Variants in PAK1 observed in about 807,000 individuals in gnomAD.
The protein encoded by PAK1 is p21 (RAC1) activated kinase 1.
Under a neutral mutation model 67.4 loss-of-function variants are expected in PAK1, and 29 were observed. The observed-to-expected ratio is 0.43, with a 90% CI of 0.32 to 0.59. The LOEUF is 0.59. PAK1 is among the 20% of genes least tolerant of loss of function. PAK1 has a pLI of 0.07. For synonymous variants in PAK1, 223 were observed against 237.4 expected, an observed-to-expected ratio of 0.94 and a Z score of 0.56; for missense variants, 337 against 670.7, an observed-to-expected ratio of 0.50 and a Z score of 5.50.
intron 2 of PAK1, among the ~76,000 whole-genome samples, chr11:77,391,241 T>G (rs1204643398): frequency 6.6e-6 from 1 of 152,224 alleles, no homozygotes; most frequent in Non-Finnish European, 1.5e-5. Flanking sequence ...TGCCTCCCAG[T>G]TTCTATTCAT....
intron 1 of PAK1, among the ~76,000 whole-genome samples, chr11:77,463,417 A>C (rs1957452563): frequency 6.6e-6 from 1 of 152,238 alleles, no homozygotes. Flanking sequence ...GTATAAAATG[A>C]AACAGTTTCA....
intron 5 of PAK1, among the ~76,000 whole-genome samples, chr11:77,366,297 T>C (rs1947570421): frequency 6.6e-6 from 1 of 152,196 alleles, no homozygotes; most frequent in Non-Finnish European, 1.5e-5. Context: ...GGTAAATATG[T>C]AGATTAACAT....
intron 14 of PAK1, chr11:77,325,183 T>G (rs1939486586): frequency 1.2e-6 from 1 of 855,122 alleles, no homozygotes; most frequent in South Asian, 2.4e-5. Context: ...AGGCCTCAGT[T>G]TCCTTCTCTG....
intron 1 of PAK1, among the ~76,000 whole-genome samples, chr11:77,467,681 A>G (rs1957661478): frequency 6.6e-6 from 1 of 152,236 alleles, no homozygotes; most frequent in African/African-American, 2.4e-5. Flanking sequence ...ACACACAATC[A>G]TAGTCATAAA....
At position 77,392,443 on chromosome 11, in the gene PAK1, G is replaced by A. The variant is rs747558098; in HGVS notation, c.78C>T (p.Ala26=). The A allele has an allele frequency of 1.2e-5, 19 of 1,613,838 alleles. No homozygotes were observed. The highest frequency in any genetic ancestry group is 2.7e-5 in the African/African-American group (2 of 74,864). ...PMRNTSTMIG[A]GSKDAGTLNH... ...TTAGGGTTCCAGCATCTTTGCTGCC[G>A]GCTCCAATCATAGTGCTGGTATTTC... The change falls in exon 2 of 15, where the codon GCC becomes GCT. Residue 26 remains alanine, a synonymous_variant. Transcript: ENST00000356341.
At chr11:77,505,228 C>G in the PAK1 span, among the ~76,000 whole-genome samples, 26 of 151,878 alleles carry the variant, frequency 1.7e-4, no homozygotes, top group South Asian at 5.0e-3. Context: ...TGCTCTGTCC[C>G]CCAGGCTGGA....
At chr11:77,380,040 T>C (rs751565760) in intron 2 of PAK1, 46 bp from the exon 3 acceptor site, 2 of 1,447,346 alleles carry the variant, frequency 1.4e-6, no homozygotes, top group Non-Finnish European at 1.9e-6. Flanking sequence ...GGAACATTAT[T>C]GTTTTTAGGC....
At chr11:77,459,817 C>CT (rs1257508380) in intron 1 of PAK1, among the ~76,000 whole-genome samples, 4 of 151,806 alleles carry the variant, frequency 2.6e-5, no homozygotes. Context: ...CTGAGCCACC[C>CT]CCGCGAGCAG....
intron 14 of PAK1, chr11:77,325,191 C>A: frequency 2.1e-6 from 2 of 945,502 alleles, no homozygotes; most frequent in Non-Finnish European, 1.5e-6. Context: ...GTTTCCTTCT[C>A]TGTCTAATAA....
intron 4 of PAK1, among the ~76,000 whole-genome samples, chr11:77,378,565 A>G (rs1167210483): frequency 6.6e-6 from 1 of 152,134 alleles, no homozygotes; most frequent in Non-Finnish European, 1.5e-5. Context: ...GAACTCTCAC[A>G]TCAATCAGCT....
intron 14 of PAK1, among the ~76,000 whole-genome samples, chr11:77,329,932 T>A (rs7925564): frequency 0.63 from 95,277 of 151,634 alleles, 30,200 homozygotes; most frequent in Non-Finnish European, 0.67. Context: ...CAACTTCAGC[T>A]AAGTCTCAGG....
At chr11:77,381,138 A>AGT (rs34083265) in intron 2 of PAK1, among the ~76,000 whole-genome samples, 8,389 of 144,382 alleles carry the variant, frequency 0.058, 232 homozygotes, top group South Asian at 0.068. Flanking sequence ...CTCACCACAG[A>AGT]GTGTGTGTGT....
rs552935083 is a variant in PAK1, at chr11:77,473,863, G to A, written c.-333C>T. 1 of 152,334 alleles carries A rather than the reference G, an allele frequency of 6.6e-6. No homozygotes were observed. The highest frequency in any genetic ancestry group is 1.5e-5 in the Non-Finnish European group (1 of 68,472). The allele number at this position is 152,334 out of a possible 1,614,324, so 9.4% of individuals were successfully genotyped here. A position where few individuals can be genotyped will look rare whatever the true frequency, so the allele number is the denominator to read the frequency against. Reference sequence around the variant, plus strand: ...ACTGGATGCGGAGACCAGGTTCCTCGAGGGGGCTCACGAAAGCGCGGGGCT... The same window carrying A: ...ACTGGATGCGGAGACCAGGTTCCTCAAGGGGGCTCACGAAAGCGCGGGGCT... On this transcript the variant is annotated 5_prime_UTR_variant, in exon 1 of 15. Coordinates refer to ENST00000356341, the MANE Select transcript of PAK1 (RefSeq NM_002576.5).
chr11:77,323,485 A>T (rs994914220), intron 14 of PAK1, 125 bp from the exon 15 acceptor site: 2 of 693,374 alleles, frequency 2.9e-6, no homozygotes, highest in African/African-American at 3.6e-5. Flanking sequence ...GATCATCCCC[A>T]AATTGAAGGA....
chr11:77,349,909 C>T (rs1014741810), intron 8 of PAK1, among the ~76,000 whole-genome samples: 4 of 151,950 alleles, frequency 2.6e-5, no homozygotes, highest in African/African-American at 9.7e-5. Flanking sequence ...ATATGGACTT[C>T]CAGGGTGTCG....
the PAK1 span, among the ~76,000 whole-genome samples, chr11:77,492,596 C>T: frequency 3.6e-5 from 5 of 140,538 alleles, no homozygotes; most frequent in South Asian, 2.2e-4. Context: ...GCCCAGGTTG[C>T]GGTGGCACAA....
At chr11:77,381,289 T>C (rs567608184) in intron 2 of PAK1, among the ~76,000 whole-genome samples, 3 of 152,238 alleles carry the variant, frequency 2.0e-5, no homozygotes, top group East Asian at 3.9e-4. Flanking sequence ...TGTGAATCTA[T>C]GAAAACAAGA....
chr11:77,510,314 C>T, the PAK1 span, among the ~76,000 whole-genome samples: 10 of 152,206 alleles, frequency 6.6e-5, no homozygotes, highest in Admixed American at 3.9e-4. Flanking sequence ...TGTGGTGATA[C>T]GTGTGACTGC....
intron 5 of PAK1, among the ~76,000 whole-genome samples, chr11:77,363,513 A>G (rs1467798524): frequency 2.0e-5 from 3 of 152,084 alleles, no homozygotes; most frequent in Admixed American, 6.6e-5. Context: ...TTTCCATTAA[A>G]CCTTCTGTTC....
Sources: allele counts gnomAD v4.1 joint callset (sites outside exome capture counted in the v4.1 genomes callset), GRCh38; gene constraint gnomAD v4.1.1; transcripts MANE v1.5; gene names NCBI Gene and HGNC (gene_info 2026-07-23, HGNC 2026-07-21).